UGT1A8: variants seen among roughly 807,000 people sequenced by gnomAD.
UGT1A8 encodes UDP glucuronosyltransferase family 1 member A8.
A neutral mutation model predicts 45.3 loss-of-function variants in UGT1A8; 39 were observed. The observed-to-expected ratio is 0.86, with a 90% CI of 0.67 to 1.12. UGT1A8 has a LOEUF of 1.12. Ranked by LOEUF, UGT1A8 falls within the 50% of genes most tolerant of loss-of-function variation. The pLI is 0.00. For missense variants in UGT1A8, 719 were observed against 664.9 expected, an observed-to-expected ratio of 1.08 and a Z score of -0.90; for synonymous variants, 275 against 249.2, an observed-to-expected ratio of 1.10 and a Z score of -0.97.
intron 1 of UGT1A8, among the ~76,000 whole-genome samples, chr2:233,700,750 T>C (rs535938067): frequency 6.2e-4 from 94 of 152,228 alleles, no homozygotes; most frequent in Non-Finnish European, 9.3e-4. Flanking sequence ...ACTTTAAGTT[T>C]TAGGGTACAT....
At chr2:233,750,427 C>A (rs900891099) in intron 1 of UGT1A8, among the ~76,000 whole-genome samples, 6 of 151,902 alleles carry the variant, frequency 3.9e-5, no homozygotes, top group African/African-American at 1.5e-4. Flanking sequence ...AAGAAAAACC[C>A]ATTTTATGGG....
At chr2:233,723,181 A>C (rs2077065915) in intron 1 of UGT1A8, among the ~76,000 whole-genome samples, 2 of 132,766 alleles carry the variant, frequency 1.5e-5, no homozygotes, top group African/African-American at 6.0e-5. Flanking sequence ...AAACCATAGA[A>C]GGGTCCATGT....
At chr2:233,721,074 A>G (rs2076920580) in intron 1 of UGT1A8, among the ~76,000 whole-genome samples, 1 of 152,036 alleles carries the variant, frequency 6.6e-6, no homozygotes, top group African/African-American at 2.4e-5. Flanking sequence ...AATTTATATG[A>G]ACTTCCATGA....
At chr2:233,641,320 AC>A (rs1395545253) in intron 1 of UGT1A8, among the ~76,000 whole-genome samples, 1 of 152,304 alleles carries the variant, frequency 6.6e-6, no homozygotes, top group East Asian at 1.9e-4. Flanking sequence ...TATCTTATAA[AC>A]CTTATTTTAA....
intron 1 of UGT1A8, among the ~76,000 whole-genome samples, chr2:233,639,808 A>G (rs539663079): frequency 8.5e-5 from 13 of 152,344 alleles, no homozygotes; most frequent in African/African-American, 3.1e-4. Context: ...TTTAAACTAT[A>G]TCAATTGGTA....
At chr2:233,653,521 T>C (rs773301398) in intron 1 of UGT1A8, among the ~76,000 whole-genome samples, 2 of 152,234 alleles carry the variant, frequency 1.3e-5, no homozygotes, top group Non-Finnish European at 2.9e-5. Context: ...AGACTTATCA[T>C]GAGGTCAGTC....
At chr2:233,702,042 A>C (rs1306276715) in intron 1 of UGT1A8, among the ~76,000 whole-genome samples, 1 of 152,222 alleles carries the variant, frequency 6.6e-6, no homozygotes, top group Non-Finnish European at 1.5e-5. Flanking sequence ...CCCTTCAAAA[A>C]ATTAACAATT....
chr2:233,725,714 T>G lies in UGT1A8; in HGVS notation c.856-41320T>G, dbSNP rs572434706. Among the ~76,000 whole-genome samples, 94 of 152,356 alleles carry G rather than the reference T, an allele frequency of 6.2e-4. 1 individual carries two copies. In the South Asian group the frequency reaches 0.019, roughly 32 times the overall value. ...AGTCATATGTAGTTAGTGACTACCA[T>G]ATGGTCAATGTTTACAAATGTAAAC... On this transcript the variant is annotated intron_variant, in intron 1 of 4. Transcript: ENST00000373450.
intron 1 of UGT1A8, among the ~76,000 whole-genome samples, chr2:233,702,149 T>C (rs1024085509): frequency 1.3e-5 from 2 of 152,210 alleles, no homozygotes; most frequent in African/African-American, 4.8e-5. Flanking sequence ...AGATACCTTA[T>C]ATCTATTATC....
intron 1 of UGT1A8, among the ~76,000 whole-genome samples, chr2:233,698,757 T>C (rs555801877): frequency 6.6e-6 from 1 of 152,354 alleles, no homozygotes; most frequent in South Asian, 2.1e-4. Context: ...AATGCTATGA[T>C]TCAGAAAGAA....
At chr2:233,762,433 T>C (rs1249713494) in intron 1 of UGT1A8, among the ~76,000 whole-genome samples, 1 of 152,232 alleles carries the variant, frequency 6.6e-6, no homozygotes, top group African/African-American at 2.4e-5. Context: ...AGAGTAACAG[T>C]GTATTCCCAC....
intron 1 of UGT1A8, among the ~76,000 whole-genome samples, chr2:233,761,349 C>T (rs963345880): frequency 6.6e-6 from 1 of 152,178 alleles, no homozygotes; most frequent in African/African-American, 2.4e-5. Flanking sequence ...TCTGAGATTT[C>T]GGGAAAGCAT....
intron 1 of UGT1A8, among the ~76,000 whole-genome samples, chr2:233,636,298 A>G (rs184888050): frequency 7.9e-5 from 12 of 152,064 alleles, no homozygotes; most frequent in Admixed American, 7.2e-4. Context: ...GAAGACCATA[A>G]TCTACTCTTG....
chr2:233,702,037 CA>C (rs1227411871), intron 1 of UGT1A8, among the ~76,000 whole-genome samples: 3 of 152,160 alleles, frequency 2.0e-5, no homozygotes, highest in South Asian at 2.1e-4. Context: ...AAAAACCCTT[CA>C]AAAAATTAAC....
intron 1 of UGT1A8, among the ~76,000 whole-genome samples, chr2:233,754,141 CATTAA>C (rs911730830): frequency 6.6e-6 from 1 of 152,194 alleles, no homozygotes; most frequent in Admixed American, 6.5e-5. Flanking sequence ...TAAAAGCCAT[CATTAA>C]ATTAAGCCAG....
intron 1 of UGT1A8, among the ~76,000 whole-genome samples, chr2:233,634,942 G>T (rs1394622898): frequency 6.6e-6 from 1 of 150,858 alleles, no homozygotes; most frequent in South Asian, 2.1e-4. Flanking sequence ...GCTGGTACCG[G>T]TTTTTTCTTT....
At chr2:233,740,329 G>C (rs1400491740) in intron 1 of UGT1A8, among the ~76,000 whole-genome samples, 1 of 151,932 alleles carries the variant, frequency 6.6e-6, no homozygotes, top group Admixed American at 6.5e-5. Context: ...TGCATTTATT[G>C]AGAAAGTTGA....
intron 1 of UGT1A8, among the ~76,000 whole-genome samples, chr2:233,687,607 A>T (rs1248545221): frequency 6.1e-5 from 9 of 147,964 alleles, no homozygotes; most frequent in East Asian, 1.9e-4. Flanking sequence ...AAAAAAAAAA[A>T]GGAAAGAAAA....
chr2:233,713,930 G>C (rs1200038289), intron 1 of UGT1A8: 3 of 1,611,758 alleles, frequency 1.9e-6, no homozygotes, highest in Non-Finnish European at 2.5e-6. Flanking sequence ...TTACTTACAA[G>C]TGCTTCCATA....
Sources: gnomAD v4.1 joint callset for allele counts (sites outside exome capture counted in the v4.1 genomes callset) on GRCh38, gnomAD v4.1.1 for gene constraint, MANE v1.5 for transcripts, NCBI Gene and HGNC (gene_info 2026-07-23, HGNC 2026-07-21) for gene names.